The following EVC2 variants were observed in gnomAD, a reference collection of about 807,000 sequenced individuals.
The protein encoded by EVC2 is EvC ciliary complex subunit 2, also known as limbin.
In EVC2, 148 loss-of-function variants were observed where a neutral mutation model predicts 149.3. That is an observed-to-expected ratio of 0.99 (90% CI 0.87 to 1.14). The LOEUF is 1.14. Among genes scored for constraint, EVC2 ranks in the 50% most tolerant of loss-of-function variants. The pLI is 0.00. For synonymous variants in EVC2, 776 were observed against 649.9 expected (o/e 1.19, Z -2.95); for missense variants, 1,854 against 1,627.3 (o/e 1.14, Z -2.40).
At chr4:5,573,839 C>G (rs1722768935) in intron 19 of EVC2, among the ~76,000 whole-genome samples, 1 of 152,150 alleles carries the variant, frequency 6.6e-6, no homozygotes, top group African/African-American at 2.4e-5. Context: ...ACTCGCACCT[C>G]CCCTGCAGCT....
Position 5,669,990 on chromosome 4 carries a change from G to A in EVC2, c.871-4341C>T, listed in dbSNP as rs143605665. On this transcript the variant is annotated intron_variant, in intron 7 of 21. Coordinates refer to ENST00000344408, the MANE Select transcript of EVC2 (RefSeq NM_147127.5). The stretch of plus-strand genomic sequence containing the variant: ...AAACCTAGGTAGAGCCTACCTCCAT[G>A]GGGCAAACCCACTCATGACCCTCAT... 4.6e-5 allele frequency among the ~76,000 whole-genome samples: 7 copies of A among 152,262 alleles called. No homozygotes were observed. In the East Asian group the frequency reaches 1.3e-3, roughly 29 times the overall value.
intron 1 of EVC2, among the ~76,000 whole-genome samples, chr4:5,706,011 C>T (rs1463006334): frequency 1.3e-5 from 2 of 152,104 alleles, no homozygotes; most frequent in African/African-American, 2.4e-5. Flanking sequence ...AAGAGATGTC[C>T]CAGCATCAGG....
At chr4:5,628,029 C>G (rs1007252251) in intron 12 of EVC2, among the ~76,000 whole-genome samples, 2 of 152,112 alleles carry the variant, frequency 1.3e-5, no homozygotes, top group African/African-American at 4.8e-5. Flanking sequence ...TATGTCTAGA[C>G]TATTGCATAT....
At chr4:5,606,550 C>A (rs1003180917) in intron 16 of EVC2, among the ~76,000 whole-genome samples, 1 of 151,964 alleles carries the variant, frequency 6.6e-6, no homozygotes, top group African/African-American at 2.4e-5. Flanking sequence ...GAGCTCTAAC[C>A]CTATTAAAGA....
At chr4:5,590,713 AC>A (rs1712715785) in intron 16 of EVC2, among the ~76,000 whole-genome samples, 1 of 152,134 alleles carries the variant, frequency 6.6e-6, no homozygotes, top group Non-Finnish European at 1.5e-5. Context: ...AAGGTAGAAA[AC>A]ACCACCCTTA....
intron 16 of EVC2, among the ~76,000 whole-genome samples, chr4:5,602,283 T>C (rs868191046): frequency 4.8e-4 from 62 of 128,906 alleles, no homozygotes; most frequent in African/African-American, 1.8e-3. Flanking sequence ...GAGCAAGACA[T>C]TGCCTCTTAA....
In EVC2 at chr4:5,613,924, G is replaced by A. The variant is rs36090434; in HGVS notation, c.2829+1498C>T. ...CAGAGCAGTTTCTATGGCTCTTGGC[G>A]AGATCGTGCATTCGTGTTCTGAGAA... On this transcript the variant is annotated intron_variant, in intron 16 of 21. Transcript: ENST00000344408. The surrounding 1 kb of genome is among the most constrained non-coding windows in gnomAD (Gnocchi z 4.6). Among the ~76,000 whole-genome samples the A allele has an allele frequency of 0.28, 42,465 of 152,028 alleles. 7,299 individuals are homozygous for A. Among genetic ancestry groups the A allele is most frequent in the South Asian group, 0.41 (1,964 of 4,814 alleles).
rs557530087 is a variant in EVC2 at position 5,543,999 on chromosome 4, G to A, written c.3420-787C>T. 1.5e-4 allele frequency among the ~76,000 whole-genome samples: 23 copies of A among 152,294 alleles called. No individual in the cohort carries two copies. In the South Asian group the frequency reaches 4.1e-3, roughly 27 times the overall value. ...CCTCGTGACCAGTGGACAGGAGATC[G>A]ACCTCAGAACATCAGGTCGGCAAAT... On this transcript the variant is annotated intron_variant and NMD_transcript_variant, in intron 21 of 22. Transcript: ENST00000475313.
chr4:5,680,335 T>C (rs973469092), intron 7 of EVC2, among the ~76,000 whole-genome samples: 1 of 152,214 alleles, frequency 6.6e-6, no homozygotes, highest in Non-Finnish European at 1.5e-5. Flanking sequence ...CTTGTTATGA[T>C]TGGCAGCACA....
chr4:5,668,875 A>G (rs1719447822), intron 7 of EVC2, among the ~76,000 whole-genome samples: 1 of 152,204 alleles, frequency 6.6e-6, no homozygotes, highest in Non-Finnish European at 1.5e-5. Context: ...CCCAATACCT[A>G]TGAATGTGAC....
At chr4:5,605,496 T>C (rs1486387444) in intron 16 of EVC2, among the ~76,000 whole-genome samples, 1 of 152,118 alleles carries the variant, frequency 6.6e-6, no homozygotes, top group African/African-American at 2.4e-5. Context: ...GATGGATGGA[T>C]GGATGGATAG....
chr4:5,660,303 C>G (rs548639128), intron 9 of EVC2, among the ~76,000 whole-genome samples: 6 of 152,198 alleles, frequency 3.9e-5, no homozygotes, highest in Non-Finnish European at 7.3e-5. Flanking sequence ...ACCAGGCACT[C>G]TGTGAGGAAG....
chr4:5,535,625 G>GAGAGAGAGAGAGAGAGAGAT, the EVC2 span, among the ~76,000 whole-genome samples: 88 of 150,552 alleles, frequency 5.8e-4, no homozygotes, highest in African/African-American at 2.0e-3. This position sits in a 1 kb window ranked among gnomAD's most constrained non-coding sequence, Gnocchi z 4.7. Context: ...GAGAGAGAGA[G>GAGAGAGAGAGAGAGAGAGAT]AGAGAGAGAA....
chr4:5,671,915 T>C (rs1577233824), intron 7 of EVC2, among the ~76,000 whole-genome samples: 1 of 152,222 alleles, frequency 6.6e-6, no homozygotes, highest in South Asian at 2.1e-4. Context: ...AGTGGATACA[T>C]CAAGTGGGCT....
chr4:5,536,942 C>T, the EVC2 span, among the ~76,000 whole-genome samples: 1 of 152,132 alleles, frequency 6.6e-6, no homozygotes, highest in Non-Finnish European at 1.5e-5. Flanking sequence ...AAGATGATAT[C>T]CCTGTCATCT....
chr4:5,658,431 T>A (rs1577217389), intron 9 of EVC2, among the ~76,000 whole-genome samples: 1 of 152,176 alleles, frequency 6.6e-6, no homozygotes, highest in South Asian at 2.1e-4. Flanking sequence ...TACCATATGG[T>A]TGGCACATAA....
At chr4:5,594,580 C>A (rs1713196135) in intron 16 of EVC2, among the ~76,000 whole-genome samples, 1 of 152,104 alleles carries the variant, frequency 6.6e-6, no homozygotes, top group Non-Finnish European at 1.5e-5. Context: ...TGTACATCAC[C>A]ATCATCAAAG....
intron 3 of EVC2, among the ~76,000 whole-genome samples, chr4:5,693,417 T>C (rs1159797116): frequency 1.3e-5 from 2 of 152,174 alleles, no homozygotes; most frequent in African/African-American, 4.8e-5. Flanking sequence ...AAGTGGCACA[T>C]AGAGAAGACA....
At chr4:5,668,650 C>G (rs1003859562) in intron 7 of EVC2, among the ~76,000 whole-genome samples, 1 of 152,206 alleles carries the variant, frequency 6.6e-6, no homozygotes, top group African/African-American at 2.4e-5. Context: ...TAAAACAACA[C>G]AGTAGCTAAA....
Sources: gnomAD v4.1 joint callset for allele counts (sites outside exome capture counted in the v4.1 genomes callset) on GRCh38, gnomAD v4.1.1 for gene constraint, Gnocchi (gnomAD v3.1) non-coding constraint, MANE v1.5 for transcripts, NCBI Gene and HGNC (gene_info 2026-07-23, HGNC 2026-07-21) for gene names.